Variants in CLNS1A observed in about 807,000 individuals in gnomAD.
CLNS1A encodes methylosome subunit pICln.
A neutral mutation model predicts 29.4 loss-of-function variants in CLNS1A; 16 were observed. The ratio of observed to expected loss-of-function variants is 0.54; its 90% confidence interval spans 0.37 to 0.83. The LOEUF (loss-of-function observed/expected upper bound fraction) is 0.83. CLNS1A is among the 40% of genes least tolerant of loss of function. CLNS1A has a pLI of 0.00. For synonymous variants in CLNS1A, 96 were observed against 104.8 expected (o/e 0.92, Z 0.51); for missense variants, 235 against 287.4 (o/e 0.82, Z 1.32).
chr11:77,615,473 C>A lies in CLNS1A; in HGVS notation c.*1245G>T, dbSNP rs1180595184. The A allele has an allele frequency of 2.9e-4, 44 of 152,084 alleles. 1 individual carries two copies. The highest frequency in any genetic ancestry group is 2.9e-3 in the Admixed American group (44 of 15,272). The allele number at this position is 152,084 out of a possible 1,614,324, so 9.4% of individuals were successfully genotyped here. ...TTTACCTCTCTCTATAACTCAGTTT[C>A]CTCAACTATAAAGTGGGATAAAAGC... is the stretch of plus-strand genomic sequence containing the variant. On this transcript the variant is annotated 3_prime_UTR_variant, in exon 7 of 7. Transcript: ENST00000525428.
At chr11:77,635,114 T>C (rs1279229637) in intron 1 of CLNS1A, among the ~76,000 whole-genome samples, 1 of 152,180 alleles carries the variant, frequency 6.6e-6, no homozygotes, top group African/African-American at 2.4e-5. Flanking sequence ...CTAAGAATTT[T>C]TTAAAAGCTG....
At chr11:77,628,073 C>T (rs750649390) in intron 2 of CLNS1A, among the ~76,000 whole-genome samples, 1 of 152,232 alleles carries the variant, frequency 6.6e-6, no homozygotes, top group Non-Finnish European at 1.5e-5. Context: ...ATCTGCCCCC[C>T]TTGGCCTCCC....
intron 1 of CLNS1A, among the ~76,000 whole-genome samples, chr11:77,631,656 T>C (rs1959076262): frequency 6.6e-6 from 1 of 151,300 alleles, no homozygotes; most frequent in South Asian, 2.1e-4. Flanking sequence ...TAAGAATATA[T>C]GCACTGTCAT....
At chr11:77,637,562 G>A (rs1185299910) in intron 1 of CLNS1A, 28 bp downstream of exon 1, 5 of 1,584,946 alleles carry the variant, frequency 3.2e-6, no homozygotes, top group South Asian at 1.2e-5. Context: ...GCGCGCAGGA[G>A]GCCAGCGCTG....
At chr11:77,620,315 G>T (rs1958943920) in intron 5 of CLNS1A, among the ~76,000 whole-genome samples, 1 of 152,140 alleles carries the variant, frequency 6.6e-6, no homozygotes, top group Non-Finnish European at 1.5e-5. Context: ...GAGTTTTCCT[G>T]CAAAAGCTCT....
At chr11:77,626,866 G>GT (rs1445630618) in intron 2 of CLNS1A, among the ~76,000 whole-genome samples, 1 of 141,516 alleles carries the variant, frequency 7.1e-6, no homozygotes, top group East Asian at 2.2e-4. Context: ...TAATTTTTTT[G>GT]TATTTTTTTT....
intron 2 of CLNS1A, among the ~76,000 whole-genome samples, chr11:77,628,256 C>T (rs556913233): frequency 6.6e-5 from 10 of 152,340 alleles, no homozygotes; most frequent in African/African-American, 2.2e-4. Context: ...GGCCATTTCA[C>T]ACCAGCATCT....
intron 1 of CLNS1A, among the ~76,000 whole-genome samples, chr11:77,637,030 T>C (rs754071602): frequency 6.6e-6 from 1 of 151,330 alleles, no homozygotes; most frequent in Non-Finnish European, 1.5e-5. Flanking sequence ...GAGTTAAGGG[T>C]GTTCCTCTCC....
At chr11:77,625,447 A>G in intron 3 of CLNS1A, 4 of 478,724 alleles carry the variant, frequency 8.4e-6, no homozygotes, top group Middle Eastern at 1.1e-3. Flanking sequence ...TTAAGTCAAC[A>G]GCACCAATCA....
intron 4 of CLNS1A, among the ~76,000 whole-genome samples, chr11:77,623,675 G>T (rs1339317901): frequency 3.9e-5 from 6 of 152,052 alleles, no homozygotes; most frequent in Non-Finnish European, 2.9e-5. Flanking sequence ...GAAAGATAAG[G>T]ATATATTTGG....
intron 5 of CLNS1A, among the ~76,000 whole-genome samples, chr11:77,621,158 C>T (rs760209433): frequency 2.0e-5 from 3 of 151,632 alleles, no homozygotes; most frequent in Admixed American, 6.6e-5. Context: ...TAGCTGGGCA[C>T]GATAGTAGTG....
chr11:77,622,143 C>G (rs925930640), intron 5 of CLNS1A: 4 of 454,202 alleles, frequency 8.8e-6, no homozygotes, highest in East Asian at 6.9e-5. Flanking sequence ...TTTGAGCCAC[C>G]CAGCCTGTAT....
chr11:77,636,447 C>T (rs554491893), intron 1 of CLNS1A, among the ~76,000 whole-genome samples: 37 of 152,312 alleles, frequency 2.4e-4, no homozygotes, highest in Middle Eastern at 3.4e-3. Context: ...TCTTGCTTTT[C>T]CTCCCATCCA....
At chr11:77,624,382 CT>C (rs1958993814) in intron 4 of CLNS1A, among the ~76,000 whole-genome samples, 1 of 152,206 alleles carries the variant, frequency 6.6e-6, no homozygotes, top group Admixed American at 6.5e-5. Flanking sequence ...TGACCATCCA[CT>C]TCCCTATCTA....
chr11:77,637,243 T>TAAAAAAAAAAAAAAAAAAAAAAAAAAAAA (rs747109219), intron 1 of CLNS1A, among the ~76,000 whole-genome samples: 12 of 43,178 alleles, frequency 2.8e-4, no homozygotes, highest in African/African-American at 8.5e-4. Context: ...ATAGGCGAGT[T>TAAAAAAAAAAAAAAAAAAAAAAAAAAAAA]AAAAAAAAAA....
chr11:77,637,009 CT>C (rs1959132527), intron 1 of CLNS1A, among the ~76,000 whole-genome samples: 1 of 151,578 alleles, frequency 6.6e-6, no homozygotes, highest in Non-Finnish European at 1.5e-5. Context: ...CATATGACCC[CT>C]GTCTGTGTCG....
intron 2 of CLNS1A, among the ~76,000 whole-genome samples, chr11:77,626,835 G>A (rs943674117): frequency 6.6e-6 from 1 of 151,026 alleles, no homozygotes; most frequent in Non-Finnish European, 1.5e-5. Context: ...GGGACTACAG[G>A]CGCCCGCCAC....
intron 2 of CLNS1A, among the ~76,000 whole-genome samples, chr11:77,629,399 CTTT>C (rs779725502): frequency 7.0e-6 from 1 of 142,078 alleles, no homozygotes. Flanking sequence ...TCTTTTTTTT[CTTT>C]TTTTTTTTTT....
intron 1 of CLNS1A, among the ~76,000 whole-genome samples, chr11:77,630,873 T>TG (rs1451499813): frequency 1.3e-5 from 2 of 152,300 alleles, no homozygotes; most frequent in East Asian, 3.9e-4. Context: ...AGGTTCTTTT[T>TG]GGGGTGAAGA....
Sources: allele counts gnomAD v4.1 joint callset (sites outside exome capture counted in the v4.1 genomes callset), GRCh38; gene constraint gnomAD v4.1.1; transcripts MANE v1.5; gene names NCBI Gene and HGNC (gene_info 2026-07-23, HGNC 2026-07-21).